VWF: variants seen among roughly 807,000 people sequenced by gnomAD.
The protein encoded by VWF is von Willebrand factor, also known as Factor VIII related antigen.
A neutral mutation model predicts 308.6 loss-of-function variants in VWF; 176 were observed. The ratio of observed to expected loss-of-function variants is 0.57; its 90% confidence interval spans 0.50 to 0.65. The LOEUF (loss-of-function observed/expected upper bound fraction) is 0.65, where lower values mean the gene tolerates loss of function less well. Among genes scored for constraint, VWF ranks in the 30% least tolerant of loss-of-function variants. The pLI is 0.00. For missense variants in VWF, 3,146 were observed against 3,648.2 expected, an observed-to-expected ratio of 0.86 and a Z score of 3.55; for synonymous variants, 1,385 against 1,443.4, an observed-to-expected ratio of 0.96 and a Z score of 0.92.
rs572695843 is a variant in VWF, at chr12:6,002,178, C to A, written c.5843-5956G>T. Among the ~76,000 whole-genome samples, 3 of 151,174 alleles carry A rather than the reference C, an allele frequency of 2.0e-5. No homozygotes were observed. The East Asian group carries it at 5.8e-4, about 29-fold the overall frequency. ...CCAGTTCCAATTAAATAGAAAAGCA[C>A]AAAAGGTAAACTAAAAGAAAATTCA... On this transcript the variant is annotated intron_variant, in intron 34 of 51. Transcript: ENST00000261405.
At chr12:6,042,085 C>T (rs182526637) in intron 18 of VWF, among the ~76,000 whole-genome samples, 60 of 152,310 alleles carry the variant, frequency 3.9e-4, no homozygotes, top group African/African-American at 1.3e-3. Flanking sequence ...CTACGTAACA[C>T]ATGAGGTGAC....
rs774987507 is a variant in VWF, at chr12:6,095,407, T to C, written c.657+53A>G. The C allele has an allele frequency of 1.9e-5, 31 of 1,612,832 alleles. No homozygotes were observed. In the African/African-American group the frequency reaches 4.1e-4, roughly 22 times the overall value. ...TATGAGACTGAGTCCTTCTGTCTTT[T>C]AGATCCAGAAATCACACACCATCCA... On this transcript the variant is annotated intron_variant, in intron 6 of 51. Transcript: ENST00000261405.
intron 41 of VWF, 27 bp from the exon 42 acceptor site, chr12:5,982,018 G>A: frequency 6.2e-7 from 1 of 1,609,086 alleles, no homozygotes; most frequent in Non-Finnish European, 8.5e-7. Flanking sequence ...GCCACACTGA[G>A]CACTGCGCCC....
At chr12:5,954,473 A>G (rs1001886148) in intron 47 of VWF, among the ~76,000 whole-genome samples, 2 of 152,222 alleles carry the variant, frequency 1.3e-5, no homozygotes, top group Non-Finnish European at 2.9e-5. Flanking sequence ...GACAAGATTC[A>G]TGTTTAAATG....
At chr12:6,012,680 A>T (rs936407056) in intron 32 of VWF, among the ~76,000 whole-genome samples, 21 of 146,900 alleles carry the variant, frequency 1.4e-4, no homozygotes, top group African/African-American at 5.5e-4. Context: ...CCACAAAAAA[A>T]GCGTGTGTGT....
At position 5,993,961 on chromosome 12, in the gene VWF, T is replaced by C. The variant is rs1337012217; in HGVS notation, c.6499A>G (p.Ser2167Gly). The change falls in exon 37 of 52, where the codon AGT (serine) becomes GGT (glycine). Residue 2167 changes from serine (S) to glycine (G), a missense_variant. This residue lies in a region of VWF where 989 missense variants were observed against 1,117.4 expected (regional missense o/e 0.89). Coordinates refer to ENST00000261405, the MANE Select transcript of VWF (RefSeq NM_000552.5). ...TCACACACTTGCTCCTGGTGGCAAC[T>C]GTCCTGCTGGCAGATGGCATAGAAT... ...ATFYAICQQD[S>G]CHQEQVCEVI... The C allele has an allele frequency of 6.2e-7, 1 of 1,614,022 alleles. No individual in the cohort carries two copies. The highest frequency in any genetic ancestry group is 8.5e-7 in the Non-Finnish European group (1 of 1,180,030).
intron 15 of VWF, among the ~76,000 whole-genome samples, 194 bp downstream of exon 15, chr12:6,056,662 CG>C (rs1287911007): frequency 6.6e-6 from 1 of 152,190 alleles, no homozygotes; most frequent in Non-Finnish European, 1.5e-5. Flanking sequence ...AATCATCAGC[CG>C]GTCCCCACCG....
Position 6,046,939 on chromosome 12 carries a change from T to A in VWF, c.2187-122A>T. On this transcript the variant is annotated intron_variant, in intron 16 of 51. Transcript: ENST00000261405. This position sits in a 1 kb window ranked among gnomAD's most constrained non-coding sequence, Gnocchi z 5.0. ...CAGGTCCCAGTCCCATAACCCCTCC[T>A]GAAGCACAGCTTGCTAACGTTACCA... The A allele has an allele frequency of 2.4e-6, 2 of 825,886 alleles. No homozygotes were observed. The highest frequency in any genetic ancestry group is 5.3e-5 in the East Asian group (2 of 37,786). 51.2% of individuals were successfully genotyped at this position (825,886 alleles called of 1,614,324 possible). A position where few individuals can be genotyped will look rare whatever the true frequency, so the allele number is the denominator to read the frequency against.
At chr12:5,956,119 A>G (rs1414981564) in intron 47 of VWF, among the ~76,000 whole-genome samples, 1 of 152,236 alleles carries the variant, frequency 6.6e-6, no homozygotes, top group African/African-American at 2.4e-5. Flanking sequence ...GTGACTTCAT[A>G]GCACAACACA....
intron 6 of VWF, among the ~76,000 whole-genome samples, chr12:6,089,734 T>A (rs1191963476): frequency 1.3e-5 from 2 of 152,090 alleles, no homozygotes; most frequent in African/African-American, 4.8e-5. Flanking sequence ...GGGCTATGTT[T>A]GCAAAATAAA....
intron 17 of VWF, among the ~76,000 whole-genome samples, chr12:6,045,618 A>C (rs1799980559): frequency 6.6e-6 from 1 of 152,188 alleles, no homozygotes; most frequent in African/African-American, 2.4e-5. Flanking sequence ...CCCCAGCTCT[A>C]GGCTGAGAGA....
intron 48 of VWF, 89 bp from the exon 49 acceptor site, chr12:5,952,608 C>G: frequency 6.6e-7 from 1 of 1,521,306 alleles, no homozygotes; most frequent in Non-Finnish European, 8.9e-7. Context: ...ATGGAGATGA[C>G]GAAACAATCT....
At chr12:6,102,155 C>T (rs541494057) in intron 5 of VWF, among the ~76,000 whole-genome samples, 1 of 152,130 alleles carries the variant, frequency 6.6e-6, no homozygotes, top group East Asian at 1.9e-4. Context: ...AAAACCATTA[C>T]AGTCAGCTGG....
intron 47 of VWF, among the ~76,000 whole-genome samples, chr12:5,958,916 A>G (rs184050615): frequency 1.7e-3 from 258 of 152,260 alleles, no homozygotes; most frequent in Non-Finnish European, 2.4e-3. Context: ...GAGGAATGTT[A>G]CCAAAAATAA....
In VWF at chr12:6,110,505, T is replaced by A; in HGVS notation, c.401A>T (p.Tyr134Phe). 1 of 1,614,172 alleles carries A rather than the reference T, an allele frequency of 6.2e-7. No homozygotes were observed. Among genetic ancestry groups the A allele is most frequent in the East Asian group, 2.2e-5 (1 of 44,890 alleles). ...GCCATCGATCCTGGCCACAAAGCCA[T>A]AGGCCTCACCGGACAGCTTGTAGTA... ...AGYYKLSGEAYGFVARIDGSG... is the reference protein window; with the variant it reads ...AGYYKLSGEAFGFVARIDGSG... Residue 134 changes from tyrosine to phenylalanine, a missense_variant, in exon 5 of 52, where the codon TAT becomes TTT. Coordinates refer to ENST00000261405, the MANE Select transcript of VWF (RefSeq NM_000552.5).
intron 3 of VWF, among the ~76,000 whole-genome samples, chr12:6,113,976 T>A (rs1335481948): frequency 6.6e-6 from 1 of 152,250 alleles, no homozygotes; most frequent in Non-Finnish European, 1.5e-5. Flanking sequence ...CCACGAGGTC[T>A]GGGCTCAGGG....
chr12:6,016,018 C>T, intron 31 of VWF, 71 bp downstream of exon 31: 1 of 1,600,184 alleles, frequency 6.2e-7, no homozygotes, highest in South Asian at 1.1e-5. Flanking sequence ...GTAACCCCAG[C>T]CCACTTTTAA....
intron 6 of VWF, among the ~76,000 whole-genome samples, chr12:6,082,614 C>T (rs1591906702): frequency 1.3e-5 from 2 of 152,240 alleles, no homozygotes; most frequent in Non-Finnish European, 2.9e-5. Flanking sequence ...GTTCAAACTA[C>T]GTTCTAATAA....
chr12:6,072,496 T>C, intron 8 of VWF, 54 bp from the exon 9 acceptor site: 2 of 1,413,580 alleles, frequency 1.4e-6, no homozygotes, highest in Non-Finnish European at 2.0e-6. Context: ...GCGTCACTCA[T>C]CCCACAACTA....
Sources: gnomAD v4.1 joint callset for allele counts (sites outside exome capture counted in the v4.1 genomes callset) on GRCh38, gnomAD v4.1.1 for gene constraint, gnomAD v4.1.1 regional missense constraint, Gnocchi (gnomAD v3.1) non-coding constraint, MANE v1.5 for transcripts, NCBI Gene and HGNC (gene_info 2026-07-23, HGNC 2026-07-21) for gene names.